RIN2: variants seen among roughly 807,000 people sequenced by gnomAD.
RIN2 encodes Ras and Rab interactor 2.
In RIN2, 36 loss-of-function variants were observed where a neutral mutation model predicts 78.0. That is an observed-to-expected ratio of 0.46 (90% CI 0.35 to 0.61). The LOEUF (loss-of-function observed/expected upper bound fraction) is 0.61, where lower values mean the gene tolerates loss of function less well. Ranked by LOEUF, RIN2 falls within the 20% of genes least tolerant of loss-of-function variation. RIN2 has a pLI of 0.00. For missense variants in RIN2, 1,087 were observed against 1,159.7 expected (o/e 0.94, Z 0.91); for synonymous variants, 466 against 466.8 (o/e 1.00, Z 0.02).
intron 2 of RIN2, among the ~76,000 whole-genome samples, chr20:19,864,068 A>G (rs1260123102): frequency 6.6e-6 from 1 of 152,052 alleles, no homozygotes; most frequent in Non-Finnish European, 1.5e-5. Flanking sequence ...TGCATATGAT[A>G]CATAAACAGT....
intron 2 of RIN2, among the ~76,000 whole-genome samples, chr20:19,873,579 CT>C (rs2037757684): frequency 6.6e-6 from 1 of 152,176 alleles, no homozygotes; most frequent in Non-Finnish European, 1.5e-5. Context: ...TTCAATGAAA[CT>C]TTATTCTCAA....
chr20:19,853,962 T>C (rs1181399436), intron 2 of RIN2, among the ~76,000 whole-genome samples: 2 of 152,270 alleles, frequency 1.3e-5, no homozygotes, highest in Non-Finnish European at 2.9e-5. Context: ...CCCATGCCTA[T>C]GTCCTGAATG....
intron 4 of RIN2, among the ~76,000 whole-genome samples, chr20:19,942,904 G>T (rs1263176959): frequency 1.3e-5 from 2 of 152,206 alleles, no homozygotes; most frequent in African/African-American, 2.4e-5. Flanking sequence ...GAGCTATTTT[G>T]TGCTCTGTAG....
rs184972691 is a variant in RIN2 at position 19,825,655 on chromosome 20, A to G, written c.-37+25908A>G. Among the ~76,000 whole-genome samples, 4 of 152,302 alleles carry G rather than the reference A, an allele frequency of 2.6e-5. No homozygotes were observed. In the East Asian group the frequency reaches 5.8e-4, roughly 22 times the overall value. ...TGAGGACACTCAGAATAGGACTTCCACCAATACGGATACTGCCTTGGATAA... is the reference window on the plus strand; with the variant it reads ...TGAGGACACTCAGAATAGGACTTCCGCCAATACGGATACTGCCTTGGATAA... On this transcript the variant is annotated intron_variant, in intron 2 of 12. Transcript: ENST00000255006.
intron 4 of RIN2, among the ~76,000 whole-genome samples, chr20:19,946,168 G>A (rs990328854): frequency 2.6e-5 from 4 of 152,170 alleles, no homozygotes; most frequent in African/African-American, 9.7e-5. Context: ...ATATGGGCTG[G>A]GGATGAGGCC....
intron 1 of RIN2, among the ~76,000 whole-genome samples, chr20:19,777,488 C>T (rs1427520123): frequency 1.3e-5 from 2 of 152,254 alleles, no homozygotes; most frequent in African/African-American, 4.8e-5. Flanking sequence ...ATAAAACTGA[C>T]CCATGGGATT....
At chr20:19,962,302 C>A (rs1175080792) in intron 6 of RIN2, among the ~76,000 whole-genome samples, 2 of 151,024 alleles carry the variant, frequency 1.3e-5, no homozygotes, top group Non-Finnish European at 3.0e-5. Context: ...GAAAAAACAA[C>A]CCAAAAATAT....
intron 2 of RIN2, among the ~76,000 whole-genome samples, chr20:19,887,897 C>G (rs997881346): frequency 2.0e-5 from 3 of 152,134 alleles, no homozygotes; most frequent in Non-Finnish European, 4.4e-5. Context: ...TATTTGTGTG[C>G]TTCTGGGTCT....
At chr20:19,922,929 C>T (rs1173733127) in intron 3 of RIN2, among the ~76,000 whole-genome samples, 5 of 152,208 alleles carry the variant, frequency 3.3e-5, no homozygotes, top group African/African-American at 4.8e-5. Flanking sequence ...TACAGATGCT[C>T]GCCTGCTGGG....
At chr20:19,886,500 G>A (rs927390450) in intron 2 of RIN2, 9 of 547,018 alleles carry the variant, frequency 1.6e-5, no homozygotes, top group South Asian at 8.3e-5. Flanking sequence ...GCCGACCAAC[G>A]CGACCAGCTC....
chr20:19,821,141 T>A (rs2035913539), intron 2 of RIN2, among the ~76,000 whole-genome samples: 1 of 152,178 alleles, frequency 6.6e-6, no homozygotes, highest in Non-Finnish European at 1.5e-5. Context: ...CACCCCTGAC[T>A]GTGTGTCTCA....
Position 19,889,581 on chromosome 20 carries a change from A to T in RIN2, c.-21A>T. ...CTACCTTCAGGAGTCCCCGGCGTGC[A>T]GTGGAGCCTCGCTGGGGGAAATGAC... On this transcript the variant is annotated 5_prime_UTR_variant, in exon 3 of 13. Transcript: ENST00000255006. The T allele has an allele frequency of 6.5e-7, 1 of 1,550,280 alleles. No individual in the cohort carries two copies. The highest frequency in any genetic ancestry group is 8.7e-7 in the Non-Finnish European group (1 of 1,146,118).
At chr20:19,964,269 TGA>T (rs1356586068) in intron 6 of RIN2, among the ~76,000 whole-genome samples, 1 of 147,528 alleles carries the variant, frequency 6.8e-6, no homozygotes, top group Non-Finnish European at 1.5e-5. Context: ...TAAAAAAAAG[TGA>T]GAGAGAGAGA....
At chr20:19,945,587 G>A (rs1382179598) in intron 4 of RIN2, among the ~76,000 whole-genome samples, 1 of 152,192 alleles carries the variant, frequency 6.6e-6, no homozygotes, top group African/African-American at 2.4e-5. Flanking sequence ...ACCTTGGATG[G>A]AGCACTGGTC....
chr20:19,844,593 G>GCTGCTTCCTCCTCTT (rs1568806843), intron 2 of RIN2, among the ~76,000 whole-genome samples: 2 of 64,124 alleles, frequency 3.1e-5, no homozygotes, highest in African/African-American at 5.1e-5. Flanking sequence ...TGCTGCTGCT[G>GCTGCTTCCTCCTCTT]CTTCTTCCTC....
chr20:19,857,389 A>T (rs961647664), intron 2 of RIN2, among the ~76,000 whole-genome samples: 1 of 152,104 alleles, frequency 6.6e-6, no homozygotes, highest in Non-Finnish European at 1.5e-5. Context: ...ATATTGATGG[A>T]TATTTAAATT....
intron 2 of RIN2, among the ~76,000 whole-genome samples, chr20:19,831,826 A>C (rs1382264198): frequency 2.6e-5 from 4 of 152,224 alleles, no homozygotes; most frequent in African/African-American, 9.6e-5. Context: ...AAATAGTAAT[A>C]GTTCATATCA....
intron 2 of RIN2, among the ~76,000 whole-genome samples, chr20:19,831,389 TGA>T (rs966695846): frequency 6.6e-6 from 1 of 152,162 alleles, no homozygotes; most frequent in Non-Finnish European, 1.5e-5. Flanking sequence ...TAAGATGGAT[TGA>T]GGGATGCGTA....
At chr20:19,883,036 C>A (rs1017077729) in intron 2 of RIN2, among the ~76,000 whole-genome samples, 4 of 152,100 alleles carry the variant, frequency 2.6e-5, no homozygotes, top group Non-Finnish European at 4.4e-5. Context: ...GGCTCAGAAC[C>A]CTTACCCCAT....
Sources: allele counts gnomAD v4.1 joint callset (sites outside exome capture counted in the v4.1 genomes callset), GRCh38; gene constraint gnomAD v4.1.1; transcripts MANE v1.5; gene names NCBI Gene and HGNC (gene_info 2026-07-23, HGNC 2026-07-21).